Variants in FKBP5 observed in about 807,000 individuals in gnomAD.
The protein encoded by FKBP5 is FKBP prolyl isomerase 5.
Under a neutral mutation model 50.5 loss-of-function variants are expected in FKBP5, and 23 were observed. The ratio of observed to expected loss-of-function variants is 0.46; its 90% CI spans 0.33 to 0.65. The LOEUF (loss-of-function observed/expected upper bound fraction) is 0.65, where lower values mean the gene tolerates loss of function less well. Ranked by LOEUF, FKBP5 falls within the 30% of genes least tolerant of loss-of-function variation. The pLI, the probability that FKBP5 is intolerant of heterozygous loss-of-function variation, is 0.02. For synonymous variants in FKBP5, 176 were observed against 190.6 expected (o/e 0.92, Z 0.63); for missense variants, 411 against 553.1 (o/e 0.74, Z 2.58).
chr6:35,611,967 T>C (rs139581201), intron 5 of FKBP5, among the ~76,000 whole-genome samples: 2 of 152,324 alleles, frequency 1.3e-5, no homozygotes, highest in East Asian at 3.9e-4. Context: ...AGAAATGTGA[T>C]TTAGATAAGA....
intron 3 of FKBP5, among the ~76,000 whole-genome samples, chr6:35,625,415 A>C (rs1249256918): frequency 1.3e-5 from 2 of 151,858 alleles, no homozygotes; most frequent in African/African-American, 4.8e-5. Flanking sequence ...AAGATTCTTC[A>C]TCTTCAGGAT....
intron 1 of FKBP5, among the ~76,000 whole-genome samples, chr6:35,644,857 T>C (rs1263086358): frequency 2.0e-5 from 3 of 152,070 alleles, no homozygotes; most frequent in African/African-American, 7.2e-5. Context: ...CCTGGGAAAA[T>C]ATATGCACAC....
In FKBP5 at chr6:35,609,053, T is replaced by C. The variant is rs988226889; in HGVS notation, c.508+10043A>G. On this transcript the variant is annotated intron_variant, in intron 5 of 10. Coordinates refer to ENST00000357266, the MANE Select transcript of FKBP5 (RefSeq NM_004117.4). ...CCTCAAGTGACGCCCTCCCAAAGTG[T>C]AGGGATTACAGGTGTGGGCCACTGT... Among the ~76,000 whole-genome samples, 5 of 152,168 alleles carry C rather than the reference T, an allele frequency of 3.3e-5. No individual in the cohort carries two copies. The East Asian group carries it at 7.7e-4, about 23-fold the overall frequency.
At chr6:35,612,139 C>T (rs1220876244) in intron 5 of FKBP5, among the ~76,000 whole-genome samples, 1 of 152,014 alleles carries the variant, frequency 6.6e-6, no homozygotes, top group African/African-American at 2.4e-5. Context: ...GCCTGTAATC[C>T]CAGCACTTAG....
chr6:35,599,223 A>T (rs1447951595), intron 5 of FKBP5, among the ~76,000 whole-genome samples: 2 of 152,204 alleles, frequency 1.3e-5, no homozygotes, highest in African/African-American at 4.8e-5. Context: ...AATCTAACTT[A>T]TTCTACTTTT....
chr6:35,701,637 T>C (rs1766192123), intron 2 of FKBP5, among the ~76,000 whole-genome samples: 1 of 152,140 alleles, frequency 6.6e-6, no homozygotes, highest in Non-Finnish European at 1.5e-5. Flanking sequence ...CCTCCCTTGC[T>C]CAAGCAATCC....
intron 5 of FKBP5, among the ~76,000 whole-genome samples, chr6:35,610,928 G>C (rs1763473329): frequency 6.6e-6 from 1 of 152,174 alleles, no homozygotes; most frequent in Non-Finnish European, 1.5e-5. Flanking sequence ...TTCAGGAAAA[G>C]TTGAGAACTA....
intron 2 of FKBP5, among the ~76,000 whole-genome samples, chr6:35,717,570 C>A (rs1766536072): frequency 6.6e-6 from 1 of 152,198 alleles, no homozygotes; most frequent in Non-Finnish European, 1.5e-5. Context: ...GCAATGCACA[C>A]CCATGGGAGG....
chr6:35,655,959 G>T (rs541105540), intron 1 of FKBP5, among the ~76,000 whole-genome samples: 2 of 152,216 alleles, frequency 1.3e-5, no homozygotes, highest in African/African-American at 4.8e-5. Context: ...GGACAGTCAA[G>T]AACAAAGGAC....
At position 35,577,245 on chromosome 6, in the gene FKBP5, T is replaced by C. The variant is rs199684698; in HGVS notation, c.1027-12A>G. The C allele has an allele frequency of 2.6e-6, 4 of 1,544,446 alleles. No homozygotes were observed. In the Admixed American group the frequency reaches 6.3e-5, roughly 24 times the overall value. The stretch of plus-strand genomic sequence containing the variant: ...TCCAGTCCAAGGGCCTAGGAATAGA[T>C]GGTCTATATTTTAGAAAGGACGAAT... On this transcript the variant is annotated splice_polypyrimidine_tract_variant and intron_variant, in intron 9 of 10. Transcript: ENST00000357266.
At chr6:35,579,151 C>T (rs945466860) in intron 9 of FKBP5, among the ~76,000 whole-genome samples, 3 of 148,510 alleles carry the variant, frequency 2.0e-5, no homozygotes, top group East Asian at 3.9e-4. Flanking sequence ...CACACACACG[C>T]GCGCGCGCAC....
Position 35,649,888 on chromosome 6 carries a change from C to T in FKBP5, c.-19-7045G>A, listed in dbSNP as rs188580352. On this transcript the variant is annotated intron_variant, in intron 1 of 10. Transcript: ENST00000357266. ...TAAATAAAAGTATTTCAAAGTTTTT[C>T]CTTAAAAGGATGGTCATGGGAATGT... Among the ~76,000 whole-genome samples, 411 of 152,168 alleles carry T rather than the reference C, an allele frequency of 2.7e-3. 1 individual carries two copies. The highest frequency in any genetic ancestry group is 9.1e-3 in the African/African-American group (377 of 41,498).
chr6:35,650,620 T>C (rs2150993932), intron 1 of FKBP5, among the ~76,000 whole-genome samples: 1 of 152,122 alleles, frequency 6.6e-6, no homozygotes, highest in South Asian at 2.1e-4. Flanking sequence ...ATTACAGGTG[T>C]GCGCCACCAA....
intron 3 of FKBP5, among the ~76,000 whole-genome samples, chr6:35,628,931 G>A (rs956890489): frequency 6.6e-6 from 1 of 152,132 alleles, no homozygotes; most frequent in Non-Finnish European, 1.5e-5. Context: ...TGGCCAGGCT[G>A]GTCTTGAACT....
At chr6:35,721,814 A>G (rs1220211361) in intron 1 of FKBP5, among the ~76,000 whole-genome samples, 4 of 152,256 alleles carry the variant, frequency 2.6e-5, no homozygotes, top group Non-Finnish European at 5.9e-5. Context: ...CCAAGAAACT[A>G]ACCTTCCTGA....
At chr6:35,644,984 G>A (rs1764591152) in intron 1 of FKBP5, among the ~76,000 whole-genome samples, 1 of 152,132 alleles carries the variant, frequency 6.6e-6, no homozygotes, top group South Asian at 2.1e-4. Context: ...GTACCCCACA[G>A]ATTACTTATT....
intron 2 of FKBP5, among the ~76,000 whole-genome samples, chr6:35,640,462 G>A (rs140140532): frequency 0.011 from 1,724 of 152,296 alleles, 12 homozygotes; most frequent in Non-Finnish European, 0.017. Context: ...AGTTGTTCTG[G>A]ATGAGTCAGC....
chr6:35,620,082 T>C, intron 4 of FKBP5, 50 bp downstream of exon 4: 4 of 1,610,210 alleles, frequency 2.5e-6, no homozygotes, highest in Non-Finnish European at 3.4e-6. Context: ...TTCAAAGCCA[T>C]TCCTATTGTA....
chr6:35,639,994 T>A (rs1247513433), intron 2 of FKBP5, among the ~76,000 whole-genome samples: 1 of 152,250 alleles, frequency 6.6e-6, no homozygotes, highest in Non-Finnish European at 1.5e-5. Flanking sequence ...CAGATTCAGT[T>A]TATTCACTTA....
Sources: allele counts gnomAD v4.1 joint callset (sites outside exome capture counted in the v4.1 genomes callset), GRCh38; gene constraint gnomAD v4.1.1; transcripts MANE v1.5; gene names NCBI Gene and HGNC (gene_info 2026-07-23, HGNC 2026-07-21).